MNAT1: variants seen among roughly 807,000 people sequenced by gnomAD.
MNAT1 encodes CDK-activating kinase assembly factor MAT1.
A neutral mutation model predicts 42.0 loss-of-function variants in MNAT1; 43 were observed. The ratio of observed to expected loss-of-function variants is 1.02; its 90% CI spans 0.80 to 1.32. MNAT1 has a LOEUF of 1.32. Ranked by LOEUF, MNAT1 falls within the 40% of genes most tolerant of loss-of-function variation. The probability of loss-of-function intolerance (pLI) is 0.00; values close to 1 mark genes in which losing one functional copy is unlikely to be tolerated. For synonymous variants in MNAT1, 118 were observed against 120.0 expected (o/e 0.98, Z 0.11); for missense variants, 306 against 350.4 (o/e 0.87, Z 1.01).
At chr14:60,913,475 T>C (rs1009094758) in intron 7 of MNAT1, among the ~76,000 whole-genome samples, 2 of 152,180 alleles carry the variant, frequency 1.3e-5, no homozygotes, top group African/African-American at 4.8e-5. Context: ...CCTTGGGTCT[T>C]TGATGATGGT....
intron 7 of MNAT1, among the ~76,000 whole-genome samples, chr14:60,931,035 T>C (rs2035872006): frequency 6.6e-6 from 1 of 152,120 alleles, no homozygotes; most frequent in Non-Finnish European, 1.5e-5. Context: ...GTATGGATCA[T>C]GTATTTGAGA....
chr14:60,753,082 GCTGT>G (rs1384270825), intron 1 of MNAT1, among the ~76,000 whole-genome samples: 1 of 152,160 alleles, frequency 6.6e-6, no homozygotes. Flanking sequence ...GTTATTTATT[GCTGT>G]CTAACAAATT....
intron 6 of MNAT1, among the ~76,000 whole-genome samples, chr14:60,858,335 G>A (rs184430663): frequency 6.6e-6 from 1 of 151,646 alleles, no homozygotes; most frequent in African/African-American, 2.4e-5. Flanking sequence ...GTGATGATGA[G>A]CTTTTTTTCA....
chr14:60,857,721 C>T (rs1370971965), intron 6 of MNAT1, among the ~76,000 whole-genome samples: 1 of 152,016 alleles, frequency 6.6e-6, no homozygotes, highest in Admixed American at 6.6e-5. Context: ...CTATCCCTCC[C>T]CCAGCCCCCC....
At chr14:60,746,905 T>C (rs1351457591) in intron 1 of MNAT1, among the ~76,000 whole-genome samples, 412 of 22,428 alleles carry the variant, frequency 0.018, 30 homozygotes, top group African/African-American at 0.058. Context: ...TTCATATATA[T>C]ATATATATAT....
intron 6 of MNAT1, among the ~76,000 whole-genome samples, chr14:60,856,005 A>G (rs555443678): frequency 3.3e-5 from 5 of 152,160 alleles, no homozygotes; most frequent in African/African-American, 1.2e-4. Context: ...CCAATTAACA[A>G]CCCTACAGTG....
At position 60,940,975 on chromosome 14, in the gene MNAT1, G is replaced by A. The variant is rs1014207858; in HGVS notation, c.810-27254G>A. 2.0e-5 allele frequency among the ~76,000 whole-genome samples: 3 copies of A among 152,160 alleles called. No homozygotes were observed. The South Asian group carries it at 6.2e-4, about 31-fold the overall frequency. On this transcript the variant is annotated intron_variant, in intron 7 of 7. Coordinates refer to ENST00000261245, the MANE Select transcript of MNAT1 (RefSeq NM_002431.4). ...TTTGAAACTCTAGATAATGTTAACT[G>A]TATGACGTTCCCACCTAGTGTTAAT...
At chr14:60,873,065 T>A (rs968899412) in intron 6 of MNAT1, among the ~76,000 whole-genome samples, 1 of 152,196 alleles carries the variant, frequency 6.6e-6, no homozygotes, top group African/African-American at 2.4e-5. Context: ...ATACCCAGTC[T>A]ATATTCAGAT....
intron 1 of MNAT1, chr14:60,780,353 G>A: frequency 6.3e-7 from 1 of 1,575,944 alleles, no homozygotes; most frequent in Non-Finnish European, 8.7e-7. Flanking sequence ...AGCTATTCAG[G>A]ATGAAATCCG....
chr14:60,848,541 A>G (rs1378447703), intron 6 of MNAT1, among the ~76,000 whole-genome samples: 1 of 152,164 alleles, frequency 6.6e-6, no homozygotes, highest in Non-Finnish European at 1.5e-5. Flanking sequence ...TAATTCAATA[A>G]TACCTCTCTG....
chr14:60,755,869 C>A (rs2030327567), intron 1 of MNAT1, among the ~76,000 whole-genome samples: 1 of 152,152 alleles, frequency 6.6e-6, no homozygotes, highest in African/African-American at 2.4e-5. Context: ...GAGGGAACAG[C>A]AGAGTGACAT....
At chr14:60,930,597 G>A (rs1034334961) in intron 7 of MNAT1, among the ~76,000 whole-genome samples, 3 of 152,120 alleles carry the variant, frequency 2.0e-5, no homozygotes, top group African/African-American at 7.2e-5. Context: ...TAAGAAGAGA[G>A]GGTCAAGGAA....
chr14:60,945,666 A>G (rs1431095734), intron 7 of MNAT1, among the ~76,000 whole-genome samples: 1 of 152,204 alleles, frequency 6.6e-6, no homozygotes, highest in Admixed American at 6.5e-5. Flanking sequence ...TATTGTGACA[A>G]TATATAACAT....
At chr14:60,746,433 T>C (rs1896617355) in intron 1 of MNAT1, among the ~76,000 whole-genome samples, 1 of 151,458 alleles carries the variant, frequency 6.6e-6, no homozygotes, top group Non-Finnish European at 1.5e-5. Flanking sequence ...GAGAATCACT[T>C]GAACCTGGGA....
At chr14:60,929,610 A>T (rs1356936206) in intron 7 of MNAT1, among the ~76,000 whole-genome samples, 3 of 152,116 alleles carry the variant, frequency 2.0e-5, no homozygotes, top group Non-Finnish European at 4.4e-5. Context: ...AATTCCTAGT[A>T]TAAGCAAAGC....
intron 7 of MNAT1, among the ~76,000 whole-genome samples, chr14:60,881,241 G>A (rs2034544806): frequency 6.6e-6 from 1 of 152,108 alleles, no homozygotes; most frequent in African/African-American, 2.4e-5. Flanking sequence ...CTGGAGTGCA[G>A]TGGTGCAATC....
intron 7 of MNAT1, among the ~76,000 whole-genome samples, chr14:60,913,087 C>G (rs143125773): frequency 1.3e-5 from 2 of 152,130 alleles, no homozygotes; most frequent in Non-Finnish European, 2.9e-5. Flanking sequence ...CATCTTCCAC[C>G]GCTGATACCC....
At chr14:60,940,796 G>C (rs944528855) in intron 7 of MNAT1, among the ~76,000 whole-genome samples, 13 of 152,200 alleles carry the variant, frequency 8.5e-5, no homozygotes, top group African/African-American at 2.6e-4. Context: ...AAAAGGATGG[G>C]TTTAAAATTC....
At chr14:60,922,581 C>T (rs2035684298) in intron 7 of MNAT1, among the ~76,000 whole-genome samples, 1 of 151,748 alleles carries the variant, frequency 6.6e-6, no homozygotes, top group Non-Finnish European at 1.5e-5. Context: ...TTGGTTCTTA[C>T]TATAAGCTGT....
Sources: allele counts gnomAD v4.1 joint callset (sites outside exome capture counted in the v4.1 genomes callset), GRCh38; gene constraint gnomAD v4.1.1; transcripts MANE v1.5; gene names NCBI Gene and HGNC (gene_info 2026-07-23, HGNC 2026-07-21).